The following CDH18 variants were observed in gnomAD, a reference collection of about 807,000 sequenced individuals.
CDH18 encodes cadherin-18.
A neutral mutation model predicts 67.9 loss-of-function variants in CDH18; 31 were observed. That is an observed-to-expected ratio of 0.46 (90% CI 0.34 to 0.62). The LOEUF is 0.62. CDH18 is among the 20% of genes least tolerant of loss of function. The pLI is 0.01. For synonymous variants in CDH18, 362 were observed against 347.2 expected, an observed-to-expected ratio of 1.04 and a Z score of -0.48; for missense variants, 890 against 975.5, an observed-to-expected ratio of 0.91 and a Z score of 1.17.
At chr5:20,417,373 A>C (rs970716450) in intron 1 of CDH18, among the ~76,000 whole-genome samples, 1 of 152,160 alleles carries the variant, frequency 6.6e-6, no homozygotes, top group Non-Finnish European at 1.5e-5. Flanking sequence ...CTAATAGCAA[A>C]TCTTCAGAAT....
chr5:20,184,516 C>G (rs191543935), intron 2 of CDH18, among the ~76,000 whole-genome samples: 1 of 152,170 alleles, frequency 6.6e-6, no homozygotes, highest in Non-Finnish European at 1.5e-5. Context: ...CTGCATATCA[C>G]TGTTTCTGTG....
intron 1 of CDH18, among the ~76,000 whole-genome samples, chr5:20,404,136 G>A (rs544676692): frequency 1.3e-5 from 2 of 152,156 alleles, no homozygotes; most frequent in Non-Finnish European, 2.9e-5. Context: ...TCTTCATAGA[G>A]TTGAAGAGCG....
At chr5:19,955,584 A>C (rs1489653698) in intron 2 of CDH18, among the ~76,000 whole-genome samples, 1 of 152,228 alleles carries the variant, frequency 6.6e-6, no homozygotes, top group East Asian at 1.9e-4. Flanking sequence ...TTTTAACTAT[A>C]ATAGAGTGCC....
intron 10 of CDH18, among the ~76,000 whole-genome samples, chr5:19,506,620 T>A (rs1332851749): frequency 1.3e-5 from 2 of 151,606 alleles, no homozygotes; most frequent in Non-Finnish European, 3.0e-5. Context: ...CTACATCTGA[T>A]CTTTAACAAG....
intron 2 of CDH18, among the ~76,000 whole-genome samples, chr5:19,852,868 G>T (rs1016042613): frequency 6.6e-6 from 1 of 152,022 alleles, no homozygotes; most frequent in African/African-American, 2.4e-5. Flanking sequence ...AGAGCAACCG[G>T]TGGCCTTCAG....
intron 2 of CDH18, among the ~76,000 whole-genome samples, chr5:19,906,431 CCTAT>C (rs1790548912): frequency 6.6e-6 from 1 of 151,674 alleles, no homozygotes; most frequent in Non-Finnish European, 1.5e-5. Flanking sequence ...TTTTATGTCA[CCTAT>C]CTAATTAAAA....
intron 1 of CDH18, among the ~76,000 whole-genome samples, chr5:20,547,503 A>G (rs1346544): frequency 0.44 from 66,407 of 150,868 alleles, 15,068 homozygotes; most frequent in East Asian, 0.57. Context: ...AGAGGTTGCA[A>G]TGAGTCGAGA....
chr5:19,596,400 G>C (rs1746167373), intron 6 of CDH18, among the ~76,000 whole-genome samples: 1 of 152,076 alleles, frequency 6.6e-6, no homozygotes, highest in Non-Finnish European at 1.5e-5. Flanking sequence ...AAAATATTTT[G>C]AGACAGAGAC....
chr5:20,200,080 C>A (rs75236858), intron 2 of CDH18, among the ~76,000 whole-genome samples: 4,282 of 152,264 alleles, frequency 0.028, 217 homozygotes, highest in African/African-American at 0.098. Flanking sequence ...GGAACAAACA[C>A]TGTGTTCTAA....
At chr5:20,365,793 GT>G (rs1742469642) in intron 1 of CDH18, among the ~76,000 whole-genome samples, 2 of 151,760 alleles carry the variant, frequency 1.3e-5, no homozygotes, top group Admixed American at 6.6e-5. Flanking sequence ...AGGCTTTTTG[GT>G]TTCATTTTTT....
At chr5:19,580,540 G>A (rs1743071887) in intron 7 of CDH18, among the ~76,000 whole-genome samples, 1 of 151,794 alleles carries the variant, frequency 6.6e-6, no homozygotes. Flanking sequence ...GTACAGAAAG[G>A]TGCTATTACA....
chr5:20,545,023 C>T (rs1418272671), intron 1 of CDH18, among the ~76,000 whole-genome samples: 2 of 152,090 alleles, frequency 1.3e-5, no homozygotes, highest in Admixed American at 1.3e-4. Context: ...AGAAATTGGC[C>T]AGAGCAAAGG....
intron 8 of CDH18, among the ~76,000 whole-genome samples, chr5:19,565,033 A>G (rs1392221331): frequency 6.6e-6 from 1 of 151,492 alleles, no homozygotes; most frequent in African/African-American, 2.4e-5. Flanking sequence ...AGAATAGAGC[A>G]CCAAGTAGAT....
At chr5:20,008,525 A>T (rs934927690) in intron 2 of CDH18, among the ~76,000 whole-genome samples, 4 of 152,172 alleles carry the variant, frequency 2.6e-5, no homozygotes, top group Non-Finnish European at 5.9e-5. Flanking sequence ...CACGAAAGTT[A>T]ATGCTAATAA....
chr5:20,044,436 T>C (rs1740731789), intron 2 of CDH18, among the ~76,000 whole-genome samples: 1 of 152,158 alleles, frequency 6.6e-6, no homozygotes, highest in Admixed American at 6.5e-5. Flanking sequence ...ACATTCTAAG[T>C]GTGACTGGCA....
intron 2 of CDH18, among the ~76,000 whole-genome samples, chr5:19,922,728 A>G (rs538772224): frequency 2.0e-5 from 3 of 152,266 alleles, no homozygotes; most frequent in Admixed American, 2.0e-4. Flanking sequence ...TAATTTTACT[A>G]ACCTTTGAGA....
chr5:20,055,891 T>C (rs1465255940), intron 2 of CDH18, among the ~76,000 whole-genome samples: 1 of 151,842 alleles, frequency 6.6e-6, no homozygotes, highest in Non-Finnish European at 1.5e-5. Context: ...TTATGAGCAA[T>C]AGCTACTGCT....
chr5:20,250,573 G>C (rs955672877), intron 2 of CDH18, among the ~76,000 whole-genome samples: 22 of 132,438 alleles, frequency 1.7e-4, no homozygotes, highest in African/African-American at 6.0e-4. Context: ...TTACAGGCGT[G>C]AGCCACGGCC....
intron 3 of CDH18, among the ~76,000 whole-genome samples, chr5:19,790,709 A>G (rs1408867558): frequency 1.3e-5 from 2 of 152,138 alleles, no homozygotes; most frequent in Non-Finnish European, 2.9e-5. Flanking sequence ...GTATCTGTTT[A>G]TAAAGGATCA....
Sources: gnomAD v4.1 joint callset for allele counts (sites outside exome capture counted in the v4.1 genomes callset) on GRCh38, gnomAD v4.1.1 for gene constraint, MANE v1.5 for transcripts, NCBI Gene and HGNC (gene_info 2026-07-23, HGNC 2026-07-21) for gene names.